Variants in SCP2 observed in about 807,000 individuals in gnomAD.
The protein encoded by SCP2 is SCP-2/3-oxoacyl-CoA thiolase.
In SCP2, 48 loss-of-function variants were observed where a neutral mutation model predicts 71.4. The observed-to-expected ratio is 0.67, with a 90% CI of 0.53 to 0.86. The LOEUF is 0.86. Ranked by LOEUF, SCP2 falls within the 40% of genes least tolerant of loss-of-function variation. SCP2 has a pLI of 0.00. For synonymous variants in SCP2, 220 were observed against 218.1 expected (o/e 1.01, Z -0.08); for missense variants, 560 against 655.6 (o/e 0.85, Z 1.59).
At chr1:52,947,468 GTTTACTTACATAATTTTTCTCA>G (rs1654916316) in intron 2 of SCP2, among the ~76,000 whole-genome samples, 1 of 151,894 alleles carries the variant, frequency 6.6e-6, no homozygotes, top group Non-Finnish European at 1.5e-5. Context: ...CCTCTTTCCA[GTTTACTTACATAATTTTTCTCA>G]TTTACTTACA....
At chr1:52,979,419 G>A (rs914549617) in intron 9 of SCP2, among the ~76,000 whole-genome samples, 3 of 151,412 alleles carry the variant, frequency 2.0e-5, no homozygotes, top group African/African-American at 7.3e-5. Context: ...GGACTCAAGC[G>A]ATTCACCTGC....
intron 6 of SCP2, among the ~76,000 whole-genome samples, chr1:52,970,976 T>C (rs1284575166): frequency 1.5e-5 from 2 of 133,968 alleles, no homozygotes; most frequent in Admixed American, 7.3e-5. Flanking sequence ...AGATTTTTTT[T>C]TTTTTTTTTT....
intron 10 of SCP2, among the ~76,000 whole-genome samples, chr1:52,984,438 T>C (rs538367636): frequency 2.6e-5 from 4 of 152,260 alleles, no homozygotes; most frequent in African/African-American, 9.6e-5. Context: ...TTGTAATCAA[T>C]GCAAGAGATA....
In SCP2 at chr1:52,978,259, A is replaced by G. The variant is rs755039192; in HGVS notation, c.717A>G (p.Glu239=). The change falls in exon 9 of 16, where the codon GAA becomes GAG. Residue 239 remains glutamate, a synonymous_variant. Coordinates refer to ENST00000371514, the MANE Select transcript of SCP2 (RefSeq NM_002979.5). ...DGAAAAILAS[E]AFVQKYGLQS... The stretch of plus-strand genomic sequence containing the variant: ...CTGCAGCAGCAATTTTGGCCAGTGA[A>G]GCATTTGTACAGAAGTATGGCCTGC... 28 of 1,613,958 alleles carry G rather than the reference A, an allele frequency of 1.7e-5. 1 individual carries two copies. In the South Asian group the frequency reaches 1.8e-4, roughly 10 times the overall value.
chr1:53,034,263 G>A (rs796802011), intron 13 of SCP2, among the ~76,000 whole-genome samples: 5 of 151,382 alleles, frequency 3.3e-5, no homozygotes, highest in African/African-American at 1.2e-4. Flanking sequence ...GTGACAGAGT[G>A]ACTCCATTTA....
intron 1 of SCP2, among the ~76,000 whole-genome samples, chr1:52,937,887 C>T (rs1165848936): frequency 6.6e-6 from 1 of 152,158 alleles, no homozygotes; most frequent in East Asian, 1.9e-4. Context: ...ATAGGCAGAG[C>T]AGCCCAGAGT....
intron 13 of SCP2, among the ~76,000 whole-genome samples, chr1:53,030,596 T>A (rs1572211977): frequency 6.6e-6 from 1 of 152,140 alleles, no homozygotes; most frequent in East Asian, 1.9e-4. Context: ...GGCTGGTTTT[T>A]AAAAAAATCT....
intron 5 of SCP2, among the ~76,000 whole-genome samples, chr1:52,960,480 ATGTGTGTGTGTGTGTG>A (rs71044447): frequency 0.047 from 6,620 of 139,562 alleles, 272 homozygotes; most frequent in East Asian, 0.19. Flanking sequence ...TACTATGTAT[ATGTGTGTGTGTGTGTG>A]TGTGTGTGTG....
chr1:52,930,445 C>T (rs12072568), intron 1 of SCP2, among the ~76,000 whole-genome samples: 3,999 of 151,984 alleles, frequency 0.026, 182 homozygotes, highest in African/African-American at 0.091. Flanking sequence ...GCGATATTGG[C>T]AAAACCCCTT....
At chr1:52,952,825 A>G (rs1655439044) in intron 4 of SCP2, among the ~76,000 whole-genome samples, 1 of 151,900 alleles carries the variant, frequency 6.6e-6, no homozygotes. Flanking sequence ...TTGTGTATAT[A>G]TATATATTTT....
intron 14 of SCP2, among the ~76,000 whole-genome samples, chr1:53,044,544 C>A (rs1663663745): frequency 6.6e-6 from 1 of 152,178 alleles, no homozygotes; most frequent in Non-Finnish European, 1.5e-5. Context: ...GGCTCTGCCC[C>A]CTTGAAGTTT....
chr1:52,945,856 C>T (rs1368002200), intron 2 of SCP2, among the ~76,000 whole-genome samples: 2 of 151,376 alleles, frequency 1.3e-5, no homozygotes, highest in Non-Finnish European at 2.9e-5. Flanking sequence ...GTTCTAATCT[C>T]TGTTTATTTT....
intron 11 of SCP2, among the ~76,000 whole-genome samples, chr1:52,988,685 T>A (rs1659205340): frequency 7.3e-6 from 1 of 137,548 alleles, no homozygotes; most frequent in South Asian, 2.2e-4. Flanking sequence ...CTTTCTTTCT[T>A]TTCTTTTTTT....
intron 10 of SCP2, among the ~76,000 whole-genome samples, chr1:52,981,910 G>T (rs75585072): frequency 6.6e-6 from 1 of 151,804 alleles, no homozygotes; most frequent in Non-Finnish European, 1.5e-5. Context: ...ATTTAGGTTG[G>T]TCATTTAATT....
intron 12 of SCP2, among the ~76,000 whole-genome samples, chr1:53,016,056 T>C (rs1661317570): frequency 6.6e-6 from 1 of 152,162 alleles, no homozygotes; most frequent in African/African-American, 2.4e-5. Context: ...TTTATTATTA[T>C]ACTTTAAGTT....
chr1:52,929,900 G>A (rs755976875), intron 1 of SCP2, among the ~76,000 whole-genome samples: 35 of 152,252 alleles, frequency 2.3e-4, no homozygotes, highest in Non-Finnish European at 4.8e-4. Flanking sequence ...TGGGATTACA[G>A]GCGTGAGCCA....
intron 14 of SCP2, among the ~76,000 whole-genome samples, chr1:53,040,048 T>C (rs1190842627): frequency 6.6e-6 from 1 of 152,198 alleles, no homozygotes; most frequent in East Asian, 1.9e-4. Flanking sequence ...TTTTTTCTCT[T>C]ATACTCCACA....
intron 10 of SCP2, among the ~76,000 whole-genome samples, chr1:52,981,505 C>T (rs960630329): frequency 2.7e-5 from 4 of 149,242 alleles, no homozygotes; most frequent in Non-Finnish European, 5.9e-5. Context: ...GGTGTGATCT[C>T]GGCTCATTGC....
intron 1 of SCP2, among the ~76,000 whole-genome samples, chr1:52,934,400 C>T (rs781505980): frequency 1.3e-5 from 2 of 150,958 alleles, no homozygotes; most frequent in African/African-American, 2.4e-5. Flanking sequence ...TTGAAAGGGC[C>T]GTATAACTCA....
Sources: gnomAD v4.1 joint callset for allele counts (sites outside exome capture counted in the v4.1 genomes callset) on GRCh38, gnomAD v4.1.1 for gene constraint, MANE v1.5 for transcripts, NCBI Gene and HGNC (gene_info 2026-07-23, HGNC 2026-07-21) for gene names.